ARPC2: variants seen among roughly 807,000 people sequenced by gnomAD.
The protein encoded by ARPC2 is actin related protein 2/3 complex subunit 2, also known as actin-related protein 2/3 complex subunit 2.
A neutral mutation model predicts 38.6 loss-of-function variants in ARPC2; 4 were observed. The ratio of observed to expected loss-of-function variants is 0.10; its 90% confidence interval spans 0.05 to 0.24. The LOEUF (loss-of-function observed/expected upper bound fraction) is 0.24, where lower values mean the gene tolerates loss of function less well. Ranked by LOEUF, ARPC2 falls within the 10% of genes least tolerant of loss-of-function variation. The pLI, the probability that ARPC2 is intolerant of heterozygous loss-of-function variation, is 1.00. For missense variants in ARPC2, 229 were observed against 387.3 expected (o/e 0.59, Z 3.43); for synonymous variants, 125 against 140.8 (o/e 0.89, Z 0.79).
Position 218,217,253 on chromosome 2 carries a change from A to AGGTC in ARPC2, c.-9+3_-9+6dup. On this transcript the variant is annotated splice_region_variant and 5_prime_UTR_variant, in exon 1 of 11. Transcript: ENST00000315717. ...CAGGCGGGTTCAGGCTTCGGGGGCC[A>AGGTC]GGTCGGTTGGGTGGGTGGGTGTCTC... 1 of 428,318 alleles carries AGGTC rather than the reference A, an allele frequency of 2.3e-6. No homozygotes were observed. 26.5% of individuals were successfully genotyped at this position (428,318 alleles called of 1,614,324 possible).
chr2:218,248,524 C>T (rs190025339), intron 8 of ARPC2, among the ~76,000 whole-genome samples: 183 of 152,132 alleles, frequency 1.2e-3, no homozygotes, highest in Middle Eastern at 6.8e-3. Context: ...GCAGTGGCAC[C>T]GTCTTGGCTC....
chr2:218,217,915 CAG>C (rs1234683206), intron 2 of ARPC2, among the ~76,000 whole-genome samples: 2 of 152,176 alleles, frequency 1.3e-5, no homozygotes, highest in Non-Finnish European at 2.9e-5. Context: ...GTTCTGAACC[CAG>C]AGAGAGCCTG....
intron 2 of ARPC2, among the ~76,000 whole-genome samples, chr2:218,224,681 C>T (rs1022981308): frequency 2.1e-4 from 17 of 82,896 alleles, no homozygotes; most frequent in African/African-American, 4.4e-4. Flanking sequence ...ATACCCAGTG[C>T]GCTTTTCCTA....
At chr2:218,248,247 TGTG>T (rs1396359311) in intron 8 of ARPC2, among the ~76,000 whole-genome samples, 1 of 152,246 alleles carries the variant, frequency 6.6e-6, no homozygotes, top group Non-Finnish European at 1.5e-5. Flanking sequence ...TGTCTTCTGT[TGTG>T]GTGTTCATTT....
chr2:218,226,018 G>A lies in ARPC2; in HGVS notation c.109+64G>A. 5 of 1,546,028 alleles carry A rather than the reference G, an allele frequency of 3.2e-6. No individual in the cohort carries two copies. The South Asian group carries it at 5.6e-5, about 17-fold the overall frequency. On this transcript the variant is annotated intron_variant, in intron 3 of 10. Transcript: ENST00000315717. ...AATATGAAAAATAGGAAATAGGCTG[G>A]GTGCAGTGGCACATGCCTGTAATCC...
chr2:218,226,302 A>G (rs1466779273), intron 3 of ARPC2, among the ~76,000 whole-genome samples: 2 of 149,906 alleles, frequency 1.3e-5, no homozygotes, highest in Non-Finnish European at 3.0e-5. Context: ...AAAAAAAAAG[A>G]GAGAGACAAG....
chr2:218,250,635 G>C (rs1574596853), intron 10 of ARPC2, among the ~76,000 whole-genome samples: 1 of 148,196 alleles, frequency 6.7e-6, no homozygotes, highest in Non-Finnish European at 1.5e-5. Context: ...CTGCACTCCA[G>C]CCTGAGCGAC....
chr2:218,239,512 C>T, intron 7 of ARPC2, 28 bp downstream of exon 7: 1 of 1,559,704 alleles, frequency 6.4e-7, no homozygotes, highest in East Asian at 2.2e-5. Context: ...TGGGGGAAAC[C>T]CATGCATGGC....
intron 2 of ARPC2, among the ~76,000 whole-genome samples, 154 bp from the exon 3 acceptor site, chr2:218,225,766 A>T (rs1013487522): frequency 6.6e-6 from 1 of 152,232 alleles, no homozygotes; most frequent in African/African-American, 2.4e-5. Context: ...GTTCAGGTCC[A>T]TGAGAAAATG....
chr2:218,246,142 G>A (rs941748177), intron 8 of ARPC2, among the ~76,000 whole-genome samples: 8 of 151,602 alleles, frequency 5.3e-5, no homozygotes, highest in Non-Finnish European at 1.2e-4. Flanking sequence ...GCTTGAACCC[G>A]GGAGGTGGAG....
intron 8 of ARPC2, among the ~76,000 whole-genome samples, chr2:218,248,757 C>A (rs1193685309): frequency 6.6e-6 from 1 of 152,252 alleles, no homozygotes; most frequent in African/African-American, 2.4e-5. Context: ...CCATCGCGCC[C>A]AGCCTCACAC....
At chr2:218,248,792 A>G (rs993361987) in intron 8 of ARPC2, among the ~76,000 whole-genome samples, 1 of 152,170 alleles carries the variant, frequency 6.6e-6, no homozygotes, top group African/African-American at 2.4e-5. Flanking sequence ...CTGGTGTCAC[A>G]GGGTGGACTT....
rs761601654 is a variant in ARPC2 at position 218,238,812 on chromosome 2, G to A, written c.417G>A (p.Glu139=). The change falls in exon 6 of 11, where the codon GAG becomes GAA. Residue 139 remains glutamate (E), a synonymous_variant. Coordinates refer to ENST00000315717, the MANE Select transcript of ARPC2 (RefSeq NM_152862.3). ...FQFQEEGKEG[E]NRAVIHYRDD... ...TCCAAGAAGAGGGCAAGGAAGGAGA[G>A]AACAGGGCAGTTATCCATTATAGGG... The A allele has an allele frequency of 2.5e-6, 4 of 1,613,920 alleles. No individual in the cohort carries two copies. Among genetic ancestry groups the A allele is most frequent in the Non-Finnish European group, 1.7e-6 (2 of 1,179,990 alleles).
intron 7 of ARPC2, among the ~76,000 whole-genome samples, chr2:218,242,483 T>G (rs59322893): frequency 0.013 from 1,915 of 152,318 alleles, 41 homozygotes; most frequent in African/African-American, 0.043. Flanking sequence ...TGAGGGCCCT[T>G]TCTGCCTGTT....
chr2:218,228,594 G>T, intron 3 of ARPC2, 144 bp from the exon 4 acceptor site: 1 of 527,656 alleles, frequency 1.9e-6, no homozygotes. Context: ...CTGCTGATTT[G>T]TCACATGGAT....
chr2:218,245,433 G>C lies in ARPC2; in HGVS notation c.563G>C (p.Gly188Ala). 1 of 1,614,088 alleles carries C rather than the reference G, an allele frequency of 6.2e-7. No individual in the cohort carries two copies. The highest frequency in any genetic ancestry group is 8.5e-7 in the Non-Finnish European group (1 of 1,180,024). The part of the protein sequence containing the change: ...GKVFMQEFKE[G>A]RRASHTAPQV... ...TTGTCTTGGCAGGAGTTCAAAGAAG[G>C]ACGCAGAGCCAGCCACACAGCCCCA... Residue 188 changes from glycine (G) to alanine (A), a missense_variant, in exon 8 of 11, where the codon GGA (glycine) becomes GCA (alanine). By Grantham distance (60) the Gly-to-Ala change is moderately conservative (BLOSUM62 0). Coordinates refer to ENST00000315717, the MANE Select transcript of ARPC2 (RefSeq NM_152862.3).
chr2:218,222,968 A>G (rs1689418336), intron 2 of ARPC2, among the ~76,000 whole-genome samples: 1 of 152,166 alleles, frequency 6.6e-6, no homozygotes, highest in East Asian at 1.9e-4. Context: ...CATTTGGGTA[A>G]ATGGTCTAGC....
intron 2 of ARPC2, among the ~76,000 whole-genome samples, chr2:218,218,308 C>T (rs999384844): frequency 5.9e-5 from 9 of 152,200 alleles, no homozygotes; most frequent in African/African-American, 1.9e-4. Context: ...TCTGTGGTAG[C>T]CCTGGCCCAG....
intron 10 of ARPC2, among the ~76,000 whole-genome samples, chr2:218,251,949 G>A (rs181262163): frequency 8.5e-5 from 13 of 152,286 alleles, no homozygotes; most frequent in African/African-American, 1.4e-4. Flanking sequence ...GGCCAGGTGC[G>A]GTGGCTCACG....
Sources: allele counts gnomAD v4.1 joint callset (sites outside exome capture counted in the v4.1 genomes callset), GRCh38; gene constraint gnomAD v4.1.1; transcripts MANE v1.5; gene names NCBI Gene and HGNC (gene_info 2026-07-23, HGNC 2026-07-21).